Variants in SPATA13 observed in about 807,000 individuals in gnomAD.
The protein encoded by SPATA13 is spermatogenesis-associated protein 13.
In SPATA13, 50 loss-of-function variants were observed where a neutral mutation model predicts 104.0. The observed-to-expected ratio is 0.48, with a 90% CI of 0.38 to 0.61. SPATA13 has a LOEUF of 0.61. Among genes scored for constraint, SPATA13 ranks in the 20% least tolerant of loss-of-function variants. SPATA13 has a pLI of 0.00. For missense variants in SPATA13, 1,524 were observed against 1,690.6 expected, an observed-to-expected ratio of 0.90 and a Z score of 1.73; for synonymous variants, 606 against 667.5, an observed-to-expected ratio of 0.91 and a Z score of 1.42.
At chr13:24,149,277 A>T (rs965446590) in intron 3 of SPATA13, among the ~76,000 whole-genome samples, 2 of 152,230 alleles carry the variant, frequency 1.3e-5, no homozygotes, top group African/African-American at 4.8e-5. Context: ...CAACAACCCA[A>T]GAGAGAAGAG....
intron 3 of SPATA13, among the ~76,000 whole-genome samples, chr13:24,023,294 T>C (rs1039159893): frequency 1.3e-5 from 2 of 152,210 alleles, no homozygotes; most frequent in African/African-American, 4.8e-5. Context: ...TATTCCATGG[T>C]GTGTATGCAA....
chr13:24,056,134 A>G (rs985986644), intron 3 of SPATA13, among the ~76,000 whole-genome samples: 17 of 152,222 alleles, frequency 1.1e-4, no homozygotes, highest in African/African-American at 4.1e-4. Context: ...CACCCCTCAG[A>G]ATTTCACAGA....
chr13:24,228,016 C>T (rs556401625), intron 2 of SPATA13, among the ~76,000 whole-genome samples: 1 of 151,696 alleles, frequency 6.6e-6, no homozygotes, highest in African/African-American at 2.4e-5. Flanking sequence ...GCGATTCTTC[C>T]GCCTCAGCCT....
chr13:24,181,700 T>A (rs1486675047), intron 1 of SPATA13, among the ~76,000 whole-genome samples: 1 of 151,780 alleles, frequency 6.6e-6, no homozygotes, highest in Non-Finnish European at 1.5e-5. Context: ...TCTGCTATAA[T>A]AATAACGCCT....
Position 24,205,486 on chromosome 13 carries a change from A to G in SPATA13, c.-111-17333A>G, listed in dbSNP as rs917058833. On this transcript the variant is annotated intron_variant, in intron 1 of 12. Coordinates refer to ENST00000382108, the MANE Select transcript of SPATA13 (RefSeq NM_001166271.3). This position sits in a 1 kb window ranked among gnomAD's most constrained non-coding sequence, Gnocchi z 4.1. ...CATGCTATGGATAGGAGGAATCAAT[A>G]TCATAAAAATGGCCATACTGCTCAA... is the stretch of plus-strand genomic sequence containing the variant. 4.6e-5 allele frequency among the ~76,000 whole-genome samples: 7 copies of G among 152,218 alleles called. No homozygotes were observed. Among genetic ancestry groups the G allele is most frequent in the Non-Finnish European group, 7.3e-5 (5 of 68,040 alleles).
intron 1 of SPATA13, among the ~76,000 whole-genome samples, chr13:24,180,529 C>T (rs537638414): frequency 2.0e-4 from 30 of 152,274 alleles, no homozygotes; most frequent in African/African-American, 7.2e-4. Context: ...CATGCAAAGT[C>T]GTCAGCCAGG....
rs921315389 is a variant in SPATA13, at chr13:24,138,097, C to T, written c.-111-84722C>T. On this transcript the variant is annotated intron_variant, in intron 3 of 14. Transcript: ENST00000424834. ...GGTGGATCACCTGAGGTCAGGAATT[C>T]GAGACCAGCCTGGCCAACATGGTGA... 1.1e-4 allele frequency among the ~76,000 whole-genome samples: 17 copies of T among 151,494 alleles called. 1 individual carries two copies. Among genetic ancestry groups the T allele is most frequent in the South Asian group, 6.3e-4 (3 of 4,786 alleles).
In SPATA13 at chr13:24,112,251, C is replaced by A. The variant is rs17080064; in HGVS notation, c.-112+94550C>A. ...TCTCTCCTCTGGCATTGTAGCAAAG[C>A]TGTTTGGTTTGACCTAAACATTTTC... On this transcript the variant is annotated intron_variant, in intron 3 of 14. Transcript: ENST00000424834. Among the ~76,000 whole-genome samples, 304 of 152,310 alleles carry A rather than the reference C, an allele frequency of 2.0e-3. 2 individuals carry two copies. The highest frequency in any genetic ancestry group is 6.8e-3 in the African/African-American group (284 of 41,562).
intron 4 of SPATA13, among the ~76,000 whole-genome samples, chr13:24,271,287 T>C (rs1262170144): frequency 6.6e-6 from 1 of 152,146 alleles, no homozygotes. Flanking sequence ...GTTACTAGTT[T>C]TGCTGCTGAT....
At chr13:24,160,661 G>C (rs981994035), upstream of SPATA13, 1 of 954,304 alleles carries the variant, frequency 1.0e-6, no homozygotes, top group Non-Finnish European at 1.2e-6. Flanking sequence ...TGGGGCGGGG[G>C]GAAGAGCCGG....
chr13:24,201,409 T>TA (rs144138727), intron 1 of SPATA13, among the ~76,000 whole-genome samples: 42,655 of 151,622 alleles, frequency 0.28, 6,200 homozygotes, highest in South Asian at 0.32. Context: ...TCAATATTGA[T>TA]TTACTATTAA....
chr13:24,107,264 A>G (rs866790844), intron 3 of SPATA13, among the ~76,000 whole-genome samples: 10 of 143,570 alleles, frequency 7.0e-5, no homozygotes, highest in Non-Finnish European at 7.6e-5. Flanking sequence ...AAAAAAAAAA[A>G]GCTCAAGCCT....
At chr13:24,188,240 C>G (rs1324939210) in intron 1 of SPATA13, among the ~76,000 whole-genome samples, 2 of 151,870 alleles carry the variant, frequency 1.3e-5, no homozygotes, top group Non-Finnish European at 2.9e-5. Flanking sequence ...ACTCGGGAGG[C>G]TGAGGCAGGA....
chr13:24,183,572 A>G (rs1868943534), intron 1 of SPATA13, among the ~76,000 whole-genome samples: 1 of 151,246 alleles, frequency 6.6e-6, no homozygotes, highest in Non-Finnish European at 1.5e-5. Flanking sequence ...ACAAATTCGT[A>G]AACTTTCTCA....
In SPATA13 at chr13:24,297,544, A is replaced by G; in HGVS notation, c.3392A>G (p.Glu1131Gly). The G allele has an allele frequency of 6.2e-7, 1 of 1,614,216 alleles. No homozygotes were observed. The highest frequency in any genetic ancestry group is 1.1e-5 in the South Asian group (1 of 91,088). Residue 1131 changes from glutamate (E) to glycine (G), a missense_variant, in exon 11 of 13, where the codon GAG (glutamate) becomes GGG (glycine). By Grantham distance (98) the Glu-to-Gly change is moderately conservative. Coordinates refer to ENST00000382108, the MANE Select transcript of SPATA13 (RefSeq NM_001166271.3). ...LYYKGRLDMD[E>G]MELVDLGDGR... ...TACAAGGGCCGGCTGGACATGGATG[A>G]GATGGAGCTTGTGGACCTGGGGGAT...
intron 1 of SPATA13, among the ~76,000 whole-genome samples, chr13:24,199,519 A>G (rs1289034303): frequency 6.6e-6 from 1 of 152,214 alleles, no homozygotes; most frequent in Non-Finnish European, 1.5e-5. Context: ...CTTTCTGCTG[A>G]TTTGTGAAAT....
At chr13:24,083,695 T>C (rs1403212801) in intron 3 of SPATA13, among the ~76,000 whole-genome samples, 1 of 152,220 alleles carries the variant, frequency 6.6e-6, no homozygotes, top group African/African-American at 2.4e-5. Flanking sequence ...AGAGGATTGC[T>C]TGGCAAATCA....
chr13:24,007,432 ATGTT>A (rs1356792393), intron 2 of SPATA13, among the ~76,000 whole-genome samples: 6 of 152,124 alleles, frequency 3.9e-5, no homozygotes, highest in Non-Finnish European at 7.4e-5. Flanking sequence ...AAGCTGGGTG[ATGTT>A]TAAGTTGCAA....
intron 1 of SPATA13, among the ~76,000 whole-genome samples, chr13:24,194,255 A>T (rs180993769): frequency 3.8e-4 from 58 of 152,326 alleles, no homozygotes; most frequent in African/African-American, 1.4e-3. Flanking sequence ...GTGCAGCTAA[A>T]ATCGTCCTGA....
Sources: allele counts gnomAD v4.1 joint callset (sites outside exome capture counted in the v4.1 genomes callset), GRCh38; gene constraint gnomAD v4.1.1; non-coding constraint Gnocchi (gnomAD v3.1); transcripts MANE v1.5; gene names NCBI Gene and HGNC (gene_info 2026-07-23, HGNC 2026-07-21).